Variants in CARD9 observed in about 807,000 individuals in gnomAD.
The protein encoded by CARD9 is caspase recruitment domain family member 9, also known as caspase recruitment domain-containing protein 9.
A neutral mutation model predicts 66.0 loss-of-function variants in CARD9; 53 were observed. The observed-to-expected ratio is 0.80, with a 90% confidence interval of 0.64 to 1.01. The LOEUF is 1.01. Among genes scored for constraint, CARD9 ranks in the 50% least tolerant of loss-of-function variants. CARD9 has a pLI of 0.00. For synonymous variants in CARD9, 387 were observed against 313.8 expected, an observed-to-expected ratio of 1.23 and a Z score of -2.47; for missense variants, 769 against 743.2, an observed-to-expected ratio of 1.03 and a Z score of -0.40.
chr9:136,368,551 C>T (rs909652473), intron 7 of CARD9, among the ~76,000 whole-genome samples: 1 of 152,256 alleles, frequency 6.6e-6, no homozygotes, highest in South Asian at 2.1e-4. Flanking sequence ...TTTAAGGCTC[C>T]TGATGTGGAC....
chr9:136,367,886 T>G (rs1483362930), intron 7 of CARD9, 58 bp from the exon 8 acceptor site: 14 of 1,538,034 alleles, frequency 9.1e-6, no homozygotes, highest in African/African-American at 1.4e-5. Flanking sequence ...CCCTGGGCCC[T>G]CGGCCCGGCC....
chr9:136,370,828 G>C lies in CARD9; in HGVS notation c.627+13C>G. The C allele has an allele frequency of 6.3e-7, 1 of 1,592,992 alleles. No homozygotes were observed. The highest frequency in any genetic ancestry group is 8.6e-7 in the Non-Finnish European group (1 of 1,167,586). ...GCGAGGGTGGCCTGGTTTCCCGGGGGCAGCGGGCGCACCTCCAGCTGCAGG... is the reference window on the plus strand; with the variant it reads ...GCGAGGGTGGCCTGGTTTCCCGGGGCCAGCGGGCGCACCTCCAGCTGCAGG... On this transcript the variant is annotated intron_variant, in intron 4 of 12. Coordinates refer to ENST00000371732, the MANE Select transcript of CARD9 (RefSeq NM_052813.5).
At chr9:136,369,994 G>T in intron 6 of CARD9, 119 bp from the exon 7 acceptor site, 1 of 1,532,414 alleles carries the variant, frequency 6.5e-7, no homozygotes, top group South Asian at 1.2e-5. Context: ...GTCGGGGGAG[G>T]CCATAGGAGT....
chr9:136,364,080 T>G lies in CARD9; in HGVS notation c.*222A>C. 2.6e-6 allele frequency: 4 copies of G among 1,549,852 alleles called. No individual in the cohort carries two copies. The highest frequency in any genetic ancestry group is 3.5e-6 in the Non-Finnish European group (4 of 1,146,314). ...TGAAGTTACACAGATGGCGTGTGCA[T>G]GGGGGTGGTGAGCACCCGCATGGCC... On this transcript the variant is annotated 3_prime_UTR_variant, in exon 13 of 13. Coordinates refer to ENST00000371732, the MANE Select transcript of CARD9 (RefSeq NM_052813.5).
At chr9:136,373,025 C>A (rs1259832965) in intron 1 of CARD9, among the ~76,000 whole-genome samples, 1 of 152,250 alleles carries the variant, frequency 6.6e-6, no homozygotes, top group Non-Finnish European at 1.5e-5. Context: ...GGGGCCTCAG[C>A]CGCTGAAAGC....
At position 136,367,221 on chromosome 9, in the gene CARD9, G is replaced by C. The variant is rs1272989117; in HGVS notation, c.1306C>G (p.Gln436Glu). Reference sequence around the variant, plus strand: ...CTGGCTGGGGTCTCACTCACCTCCTGGGACCTCCTGGGTGAGCCATCTTCC... The same window carrying C: ...CTGGCTGGGGTCTCACTCACCTCCTCGGACCTCCTGGGTGAGCCATCTTCC... ...DLEDGSPRRS[Q>E]ELSLPQDLED... Residue 436 changes from glutamine (Q) to glutamate (E), a missense_variant, in exon 9 of 13, where the codon CAG becomes GAG. Coordinates refer to ENST00000371732, the MANE Select transcript of CARD9 (RefSeq NM_052813.5). The C allele has an allele frequency of 9.9e-6, 16 of 1,612,506 alleles. No homozygotes were observed. Among genetic ancestry groups the C allele is most frequent in the Non-Finnish European group, 1.4e-5 (16 of 1,179,816 alleles).
Position 136,370,824 on chromosome 9 carries a change from G to C in CARD9, c.627+17C>G. On this transcript the variant is annotated intron_variant, in intron 4 of 12. Coordinates refer to ENST00000371732, the MANE Select transcript of CARD9 (RefSeq NM_052813.5). ...CCAGGCGAGGGTGGCCTGGTTTCCC[G>C]GGGGCAGCGGGCGCACCTCCAGCTG... The C allele has an allele frequency of 3.1e-6, 5 of 1,592,356 alleles. No individual in the cohort carries two copies. Among genetic ancestry groups the C allele is most frequent in the South Asian group, 1.1e-5 (1 of 88,916 alleles).
At chr9:136,367,355 T>G (rs1833147953) in intron 8 of CARD9, 98 bp from the exon 9 acceptor site, 3 of 1,378,184 alleles carry the variant, frequency 2.2e-6, no homozygotes, top group African/African-American at 1.4e-5. Flanking sequence ...CAGGGAGCCC[T>G]GGGCATGCCC....
rs760786673 is a variant in CARD9, at chr9:136,370,262, CA to C, written c.951+31del. ...AGCCCGTCCAGCCTGGCTTGGACCC[CA>C]GGGGCCATGTCTCCCCGCCTGCCCT... On this transcript the variant is annotated intron_variant, in intron 6 of 12. Coordinates refer to ENST00000371732, the MANE Select transcript of CARD9 (RefSeq NM_052813.5). The C allele has an allele frequency of 6.3e-6, 10 of 1,590,444 alleles. No individual in the cohort carries two copies. In the East Asian group the frequency reaches 2.3e-4, roughly 36 times the overall value.
chr9:136,369,683 A>G (rs1833209675), intron 7 of CARD9, 67 bp downstream of exon 7: 1 of 1,543,360 alleles, frequency 6.5e-7, no homozygotes, highest in Non-Finnish European at 8.7e-7. Context: ...AACTGCCCTC[A>G]AGGGCCGTGG....
rs1198862697 is a variant in CARD9, at chr9:136,368,092, C to CA, written c.1078-265dup. The CA allele has an allele frequency of 3.2e-6, 4 of 1,249,244 alleles. No homozygotes were observed. In the East Asian group the frequency reaches 1.2e-4, roughly 37 times the overall value. 77.4% of individuals were successfully genotyped at this position (1,249,244 alleles called of 1,614,324 possible). A position where few individuals can be genotyped will look rare whatever the true frequency, so the allele number is the denominator to read the frequency against. On this transcript the variant is annotated intron_variant, in intron 7 of 12. Coordinates refer to ENST00000371732, the MANE Select transcript of CARD9 (RefSeq NM_052813.5). ...GGACACAGCGTGTGCTATGTACCCC[C>CA]ACACGTGCACATTTGATAAATTTTG...
At chr9:136,366,402 C>G in intron 10 of CARD9, 1 of 247,188 alleles carries the variant, frequency 4.0e-6, no homozygotes, top group East Asian at 9.2e-5. Context: ...GTCGTTCGCT[C>G]GTTACCACCT....
intron 7 of CARD9, 28 bp from the exon 8 acceptor site, chr9:136,367,856 C>T (rs2131438245): frequency 6.3e-7 from 1 of 1,580,852 alleles, no homozygotes; most frequent in African/African-American, 1.3e-5. Context: ...GGCCGACCCT[C>T]AGTGAGGGCC....
chr9:136,366,985 G>A (rs1463009965), intron 9 of CARD9, 140 bp from the exon 10 acceptor site: 3 of 1,092,802 alleles, frequency 2.7e-6, no homozygotes, highest in Non-Finnish European at 2.7e-6. Context: ...CAGAGACTCA[G>A]GTGCCCAGCA....
At chr9:136,371,526 GCCT>G in intron 2 of CARD9, 65 bp from the exon 3 acceptor site, 3 of 516,028 alleles carry the variant, frequency 5.8e-6, no homozygotes, top group South Asian at 1.6e-5. Context: ...GGGTGGGTGG[GCCT>G]GGGGGCAGGG....
chr9:136,371,031 T>C lies in CARD9; in HGVS notation c.437A>G (p.Glu146Gly), dbSNP rs1833256414. 1 of 1,612,358 alleles carries C rather than the reference T, an allele frequency of 6.2e-7. No individual in the cohort carries two copies. The highest frequency in any genetic ancestry group is 2.2e-5 in the East Asian group (1 of 44,858). The stretch of plus-strand genomic sequence containing the variant: ...CAGCAGGCTGTCCTTCACCCGCAGC[T>C]CCTTGATGAAGTCATCTTTGGAGCT... ...LLSSKDDFIKELRVKDSLLRK... is the reference protein window; with the variant it reads ...LLSSKDDFIKGLRVKDSLLRK... Residue 146 changes from glutamate (E) to glycine (G), a missense_variant, in exon 4 of 13, where the codon GAG (glutamate) becomes GGG (glycine). Physicochemically the swap from Glu to Gly is moderately conservative, Grantham distance 98. Transcript: ENST00000371732.
Position 136,364,056 on chromosome 9 carries a change from G to A in CARD9, c.*246C>T, listed in dbSNP as rs570507065. ...TACATGGTGAAACAGAACAGATCCTGAAGTTACACAGATGGCGTGTGCATG... is the reference window on the plus strand; with the variant it reads ...TACATGGTGAAACAGAACAGATCCTAAAGTTACACAGATGGCGTGTGCATG... On this transcript the variant is annotated 3_prime_UTR_variant, in exon 13 of 13. Transcript: ENST00000371732. 6.5e-7 allele frequency: 1 copy of A among 1,533,484 alleles called. No homozygotes were observed. Among genetic ancestry groups the A allele is most frequent in the Admixed American group, 2.0e-5 (1 of 50,990 alleles). The allele number at this position is 1,533,484 out of a possible 1,614,324, so 95.0% of individuals were successfully genotyped here.
At chr9:136,366,935 T>G in intron 9 of CARD9, 90 bp from the exon 10 acceptor site, 1 of 1,466,630 alleles carries the variant, frequency 6.8e-7, no homozygotes. Flanking sequence ...GGCCCTCAGC[T>G]GGGTGCAGCC....
At chr9:136,368,664 C>T (rs193146888) in intron 7 of CARD9, among the ~76,000 whole-genome samples, 3 of 152,332 alleles carry the variant, frequency 2.0e-5, no homozygotes, top group Non-Finnish European at 4.4e-5. Flanking sequence ...ACAGCCCTGC[C>T]CCGCGACGCT....
Sources: allele counts gnomAD v4.1 joint callset (sites outside exome capture counted in the v4.1 genomes callset), GRCh38; gene constraint gnomAD v4.1.1; transcripts MANE v1.5; gene names NCBI Gene and HGNC (gene_info 2026-07-23, HGNC 2026-07-21).